RSRC1: variants seen among roughly 807,000 people sequenced by gnomAD.
RSRC1 encodes serine/Arginine-related protein 53.
RSRC1 carries 39 observed loss-of-function variants against 49.1 expected under a neutral mutation model. The observed-to-expected ratio is 0.79, with a 90% confidence interval of 0.61 to 1.04. RSRC1 has a LOEUF of 1.04. Ranked by LOEUF, RSRC1 falls within the 50% of genes least tolerant of loss-of-function variation. The pLI is 0.00. For synonymous variants in RSRC1, 143 were observed against 130.8 expected, an observed-to-expected ratio of 1.09 and a Z score of -0.63; for missense variants, 388 against 402.4, an observed-to-expected ratio of 0.96 and a Z score of 0.31.
intron 5 of RSRC1, among the ~76,000 whole-genome samples, chr3:158,301,551 T>G (rs1479066326): frequency 2.0e-5 from 3 of 152,190 alleles, no homozygotes; most frequent in African/African-American, 7.2e-5. Flanking sequence ...TTATAACAAG[T>G]GAGAACTCTG....
At chr3:158,335,687 T>A (rs1729843029) in intron 5 of RSRC1, among the ~76,000 whole-genome samples, 1 of 152,232 alleles carries the variant, frequency 6.6e-6, no homozygotes, top group South Asian at 2.1e-4. Flanking sequence ...GCCTGTTTTT[T>A]ATAAATGGCC....
At chr3:158,453,854 C>T (rs1737181862) in intron 6 of RSRC1, among the ~76,000 whole-genome samples, 1 of 152,010 alleles carries the variant, frequency 6.6e-6, no homozygotes, top group African/African-American at 2.4e-5. Flanking sequence ...AATTGTGTCA[C>T]TTTACTAATT....
chr3:158,439,554 T>C (rs1443054566), intron 6 of RSRC1, among the ~76,000 whole-genome samples: 1 of 152,080 alleles, frequency 6.6e-6, no homozygotes, highest in Non-Finnish European at 1.5e-5. Context: ...CTCAGGAAAC[T>C]ATCGCAAGGA....
intron 4 of RSRC1, among the ~76,000 whole-genome samples, chr3:158,205,917 C>T (rs539046897): frequency 4.2e-4 from 64 of 152,210 alleles, no homozygotes; most frequent in African/African-American, 1.5e-3. Flanking sequence ...ATGTGGCCCA[C>T]GGGCTGCAAG....
At chr3:158,169,791 G>T (rs1160356056) in intron 3 of RSRC1, among the ~76,000 whole-genome samples, 1 of 151,972 alleles carries the variant, frequency 6.6e-6, no homozygotes, top group Non-Finnish European at 1.5e-5. Context: ...ACCCTCTCTG[G>T]GTTGACTGTT....
intron 5 of RSRC1, among the ~76,000 whole-genome samples, chr3:158,298,763 T>A (rs1383929628): frequency 6.6e-6 from 1 of 152,320 alleles, no homozygotes; most frequent in East Asian, 1.9e-4. Context: ...TACAGAGTCA[T>A]CCTCTGGTTT....
At chr3:158,438,226 G>T (rs1474400327) in intron 6 of RSRC1, among the ~76,000 whole-genome samples, 1 of 152,114 alleles carries the variant, frequency 6.6e-6, no homozygotes, top group Non-Finnish European at 1.5e-5. Context: ...TCAATGTCAT[G>T]AAAATGGCCA....
At chr3:158,132,724 T>A (rs1716122543) in intron 3 of RSRC1, among the ~76,000 whole-genome samples, 1 of 152,202 alleles carries the variant, frequency 6.6e-6, no homozygotes, top group Non-Finnish European at 1.5e-5. Flanking sequence ...AGTTTTTCCT[T>A]TTCTCAAATA....
chr3:158,373,275 A>G (rs1732177937), intron 6 of RSRC1, among the ~76,000 whole-genome samples: 1 of 151,914 alleles, frequency 6.6e-6, no homozygotes, highest in South Asian at 2.1e-4. Flanking sequence ...TTTGAGTAAA[A>G]GTGTAAGAGT....
intron 4 of RSRC1, among the ~76,000 whole-genome samples, chr3:158,248,178 C>G (rs1047033022): frequency 6.6e-6 from 1 of 152,176 alleles, no homozygotes; most frequent in African/African-American, 2.4e-5. Context: ...CAGCTTCAGG[C>G]AACCACTAAT....
rs144615514 is a variant in RSRC1 at position 158,230,821 on chromosome 3, CCT to C, written c.494+27579_494+27580del. 7.7e-3 allele frequency among the ~76,000 whole-genome samples: 1,165 copies of C among 152,148 alleles called. 6 individuals are homozygous for C. Among genetic ancestry groups the C allele is most frequent in the African/African-American group, 0.027 (1,105 of 41,526 alleles). On this transcript the variant is annotated intron_variant, in intron 4 of 9. Transcript: ENST00000611884. ...TGGAATACTTCATTATTTGTATACT[CCT>C]CTTAGATAAATTGTAAATTATGAAA...
At chr3:158,406,265 C>T (rs575224809) in intron 6 of RSRC1, among the ~76,000 whole-genome samples, 1 of 152,022 alleles carries the variant, frequency 6.6e-6, no homozygotes, top group Admixed American at 6.6e-5. Context: ...AATTCATTGC[C>T]ATATTGTATT....
chr3:158,465,454 C>T (rs576354679), intron 7 of RSRC1, among the ~76,000 whole-genome samples: 6 of 152,088 alleles, frequency 3.9e-5, no homozygotes, highest in Admixed American at 2.0e-4. Flanking sequence ...ACCCTAAGAC[C>T]CTTTGTTCCT....
At chr3:158,518,148 A>ATATATATATATTTTTTT (rs1310027981) in intron 7 of RSRC1, among the ~76,000 whole-genome samples, 1 of 44,138 alleles carries the variant, frequency 2.3e-5, no homozygotes, top group African/African-American at 1.5e-4. Flanking sequence ...ATATATATAT[A>ATATATATATATTTTTTT]TTTTTTTTTT....
At chr3:158,162,330 T>G (rs1267064167) in intron 3 of RSRC1, among the ~76,000 whole-genome samples, 2 of 152,172 alleles carry the variant, frequency 1.3e-5, no homozygotes, top group Non-Finnish European at 2.9e-5. Context: ...ACTTTTTTAG[T>G]CGGGCCTACT....
At chr3:158,270,716 G>A (rs944255361) in intron 4 of RSRC1, among the ~76,000 whole-genome samples, 1 of 152,086 alleles carries the variant, frequency 6.6e-6, no homozygotes, top group African/African-American at 2.4e-5. Flanking sequence ...CTGGTTTTCT[G>A]CTATAGCTTA....
At chr3:158,374,843 C>T (rs1732269167) in intron 6 of RSRC1, among the ~76,000 whole-genome samples, 1 of 151,904 alleles carries the variant, frequency 6.6e-6, no homozygotes, top group East Asian at 1.9e-4. Context: ...CTATGGTCTT[C>T]CTCCTGGAAG....
At chr3:158,446,837 C>G (rs1736747929) in intron 6 of RSRC1, among the ~76,000 whole-genome samples, 1 of 152,014 alleles carries the variant, frequency 6.6e-6, no homozygotes, top group South Asian at 2.1e-4. Context: ...GTTCCCTTTA[C>G]AGTTTACCCT....
intron 3 of RSRC1, among the ~76,000 whole-genome samples, chr3:158,136,205 C>T (rs971407331): frequency 1.3e-5 from 2 of 152,152 alleles, no homozygotes; most frequent in African/African-American, 4.8e-5. Context: ...AAGTATTATG[C>T]TCATTCTAGT....
Sources: allele counts gnomAD v4.1 joint callset (sites outside exome capture counted in the v4.1 genomes callset), GRCh38; gene constraint gnomAD v4.1.1; transcripts MANE v1.5; gene names NCBI Gene and HGNC (gene_info 2026-07-23, HGNC 2026-07-21).